Variants in WDR27 observed in about 807,000 individuals in gnomAD.
WDR27 encodes the protein WD repeat domain 27.
In WDR27, 100 loss-of-function variants were observed where a neutral mutation model predicts 114.4. The ratio of observed to expected loss-of-function variants is 0.87; its 90% CI spans 0.74 to 1.03. The LOEUF is 1.03. Among genes scored for constraint, WDR27 ranks in the 50% least tolerant of loss-of-function variants. The probability of loss-of-function intolerance (pLI) is 0.00; values close to 1 mark genes in which losing one functional copy is unlikely to be tolerated. For synonymous variants in WDR27, 449 were observed against 423.1 expected (o/e 1.06, Z -0.75); for missense variants, 1,129 against 1,092.9 (o/e 1.03, Z -0.47).
Position 169,662,344 on chromosome 6 carries a change from G to C in WDR27, c.985C>G (p.Pro329Ala). The change falls in exon 9 of 26, where the codon CCC becomes GCC. Residue 329 changes from proline (P) to alanine (A), a missense_variant. Pro to Ala is a conservative substitution (Grantham distance 27). Transcript: ENST00000448612. ...TTTGGGATGAGTGAGAGATCACAGG[G>C]TGCAAGTCTCAGTACAGGAAATGTT... ...EVTFPVLRLA[P>A]CDLSLIPNSA... 1.2e-6 allele frequency: 2 copies of C among 1,613,996 alleles called. No individual in the cohort carries two copies. Among genetic ancestry groups the C allele is most frequent in the Non-Finnish European group, 1.7e-6 (2 of 1,179,872 alleles).
intron 5 of WDR27, 69 bp from the exon 6 acceptor site, chr6:169,667,256 C>T: frequency 3.6e-6 from 5 of 1,374,938 alleles, no homozygotes; most frequent in South Asian, 2.0e-5. Flanking sequence ...GTGAAGCTAA[C>T]AGTACTATTC....
the WDR27 span, among the ~76,000 whole-genome samples, chr6:169,436,910 C>T: frequency 3.3e-5 from 5 of 151,818 alleles, no homozygotes; most frequent in Admixed American, 1.3e-4. Context: ...ATATTGGTCC[C>T]GAGATAAAAA....
At chr6:169,461,618 G>T (rs1228031146) in intron 25 of WDR27, among the ~76,000 whole-genome samples, 3 of 150,632 alleles carry the variant, frequency 2.0e-5, no homozygotes, top group Non-Finnish European at 4.4e-5. Context: ...AATGTTAAGG[G>T]GGGAATTTAT....
chr6:169,680,016 G>A (rs1464374195), intron 2 of WDR27, among the ~76,000 whole-genome samples: 1 of 152,152 alleles, frequency 6.6e-6, no homozygotes, highest in Admixed American at 6.5e-5. Flanking sequence ...TTAAAAACCT[G>A]AAGAAAAATC....
Position 169,701,773 on chromosome 6 carries a change from A to C in WDR27, c.-230T>G. 1 of 264,614 alleles carries C rather than the reference A, an allele frequency of 3.8e-6. No individual in the cohort carries two copies. The highest frequency in any genetic ancestry group is 7.4e-6 in the Non-Finnish European group (1 of 135,108). 16.4% of individuals were successfully genotyped at this position (264,614 alleles called of 1,614,324 possible). Reference sequence around the variant, plus strand: ...GAAGCGGTCACGGCGGAACCCTCAAATCGCCCCCTTTCCTAGAGACCTCAG... The same window carrying C: ...GAAGCGGTCACGGCGGAACCCTCAACTCGCCCCCTTTCCTAGAGACCTCAG... On this transcript the variant is annotated 5_prime_UTR_variant, in exon 1 of 26. Transcript: ENST00000448612.
At chr6:169,536,605 C>G (rs923461912) in intron 25 of WDR27, among the ~76,000 whole-genome samples, 30 of 152,134 alleles carry the variant, frequency 2.0e-4, no homozygotes, top group African/African-American at 6.8e-4. Context: ...TGATCATGCT[C>G]ACTCACACAA....
At chr6:169,592,268 T>C (rs1165278172) in intron 23 of WDR27, among the ~76,000 whole-genome samples, 1 of 151,306 alleles carries the variant, frequency 6.6e-6, no homozygotes, top group East Asian at 1.9e-4. Context: ...GTTGGGGGAG[T>C]GTTAAATCTA....
the WDR27 span, among the ~76,000 whole-genome samples, chr6:169,436,871 A>G: frequency 6.6e-6 from 1 of 152,128 alleles, no homozygotes; most frequent in Admixed American, 6.5e-5. Context: ...GTTGTTCCAT[A>G]AAAATCATTT....
At chr6:169,431,484 C>T in the WDR27 span, among the ~76,000 whole-genome samples, 46 of 152,088 alleles carry the variant, frequency 3.0e-4, no homozygotes, top group Non-Finnish European at 6.5e-4. Context: ...TTGGATGGAG[C>T]TCCCATTTTT....
chr6:169,476,672 A>AC (rs1554266848), intron 25 of WDR27, among the ~76,000 whole-genome samples: 2 of 150,728 alleles, frequency 1.3e-5, no homozygotes, highest in Non-Finnish European at 3.0e-5. Flanking sequence ...CCCCATGGCT[A>AC]TTTTTTTTTA....
At chr6:169,534,109 G>A (rs764553184) in intron 25 of WDR27, among the ~76,000 whole-genome samples, 2 of 152,142 alleles carry the variant, frequency 1.3e-5, no homozygotes, top group Admixed American at 1.3e-4. Flanking sequence ...ATCACGGATG[G>A]TTGTTACATT....
At chr6:169,664,012 C>A (rs141107741) in intron 8 of WDR27, among the ~76,000 whole-genome samples, 154 bp downstream of exon 8, 163 of 152,322 alleles carry the variant, frequency 1.1e-3, no homozygotes, top group African/African-American at 3.8e-3. Context: ...CTCACATGAC[C>A]TGCAGGGCCT....
intron 21 of WDR27, among the ~76,000 whole-genome samples, chr6:169,632,582 C>CA (rs11395642): frequency 0.15 from 22,096 of 151,924 alleles, 2,150 homozygotes; most frequent in African/African-American, 0.28. Flanking sequence ...CCTCCACCTT[C>CA]AAAAAAAAGC....
the WDR27 span, among the ~76,000 whole-genome samples, chr6:169,443,214 T>C: frequency 6.6e-6 from 1 of 152,180 alleles, no homozygotes; most frequent in African/African-American, 2.4e-5. Flanking sequence ...ACAGAATGGA[T>C]GCGTGGACAG....
chr6:169,656,064 C>T (rs533936800), intron 13 of WDR27, among the ~76,000 whole-genome samples: 7 of 152,124 alleles, frequency 4.6e-5, no homozygotes, highest in South Asian at 2.1e-4. Flanking sequence ...AGAGGGGACC[C>T]GGAGAGGGCA....
chr6:169,625,648 C>T (rs925352824), intron 21 of WDR27, among the ~76,000 whole-genome samples: 13 of 152,200 alleles, frequency 8.5e-5, no homozygotes, highest in African/African-American at 2.4e-4. Flanking sequence ...GTCAGGAAAC[C>T]GGCAGGCAGG....
chr6:169,647,557 C>T (rs572261236), intron 16 of WDR27: 29 of 626,624 alleles, frequency 4.6e-5, no homozygotes, highest in African/African-American at 2.4e-4. Flanking sequence ...TCTGTGCCCA[C>T]GCAGGGGTGA....
chr6:169,550,047 A>G (rs1474066356), intron 25 of WDR27, among the ~76,000 whole-genome samples: 1 of 152,166 alleles, frequency 6.6e-6, no homozygotes, highest in Non-Finnish European at 1.5e-5. Context: ...ATGATGTGTC[A>G]ATGTAGGTTC....
chr6:169,497,255 T>A (rs994434782), intron 25 of WDR27, among the ~76,000 whole-genome samples: 3 of 151,974 alleles, frequency 2.0e-5, no homozygotes, highest in Non-Finnish European at 2.9e-5. Flanking sequence ...CCTAAAACCA[T>A]GTACAAAAAC....
Sources: allele counts gnomAD v4.1 joint callset (sites outside exome capture counted in the v4.1 genomes callset), GRCh38; gene constraint gnomAD v4.1.1; transcripts MANE v1.5; gene names NCBI Gene and HGNC (gene_info 2026-07-23, HGNC 2026-07-21).